GLIS3: variants seen among roughly 807,000 people sequenced by gnomAD.
The protein encoded by GLIS3 is zinc finger protein GLIS3.
Under a neutral mutation model 78.6 loss-of-function variants are expected in GLIS3, and 53 were observed. The observed-to-expected ratio is 0.67, with a 90% CI of 0.54 to 0.85. The LOEUF (loss-of-function observed/expected upper bound fraction) is 0.85. Ranked by LOEUF, GLIS3 falls within the 40% of genes least tolerant of loss-of-function variation. The pLI is 0.00. For synonymous variants in GLIS3, 684 were observed against 509.9 expected (o/e 1.34, Z -4.60); for missense variants, 1,703 against 1,231.1 (o/e 1.38, Z -5.74).
At chr9:4,315,603 C>T (rs1383506635) in intron 2 of GLIS3, among the ~76,000 whole-genome samples, 1 of 152,146 alleles carries the variant, frequency 6.6e-6, no homozygotes, top group East Asian at 1.9e-4. Flanking sequence ...AAACTCTTTT[C>T]ATGGAAGACA....
At chr9:4,125,683 T>G in intron 3 of GLIS3, 51 bp downstream of exon 3, 1 of 1,227,158 alleles carries the variant, frequency 8.1e-7, no homozygotes, top group Non-Finnish European at 1.2e-6. Context: ...AAAACACTTG[T>G]GGGGTGTGTT....
intron 4 of GLIS3, among the ~76,000 whole-genome samples, chr9:4,010,379 C>A (rs1445095877): frequency 2.6e-5 from 4 of 152,170 alleles, no homozygotes; most frequent in Non-Finnish European, 5.9e-5. Flanking sequence ...TTATTTCCTA[C>A]AGGCAAAGCC....
At chr9:4,271,859 G>A (rs981006605) in intron 2 of GLIS3, among the ~76,000 whole-genome samples, 6 of 152,242 alleles carry the variant, frequency 3.9e-5, no homozygotes, top group East Asian at 3.9e-4. Flanking sequence ...CTGTGGGGTC[G>A]GAGCAAACCT....
At chr9:4,032,940 G>A (rs956811592) in intron 4 of GLIS3, among the ~76,000 whole-genome samples, 5 of 151,670 alleles carry the variant, frequency 3.3e-5, no homozygotes, top group South Asian at 2.1e-4. Flanking sequence ...TGCAAGCTCC[G>A]CCTCCCGGGT....
Position 4,286,195 on chromosome 9 carries a change from G to T in GLIS3, c.231C>A (p.Ser77Arg). The T allele has an allele frequency of 6.2e-7, 1 of 1,614,238 alleles. No homozygotes were observed. Among genetic ancestry groups the T allele is most frequent in the Non-Finnish European group, 8.5e-7 (1 of 1,180,044 alleles). Residue 77 changes from serine to arginine, a missense_variant, in exon 2 of 11, where the codon AGC becomes AGA. Physicochemically the swap from Ser to Arg is moderately radical, Grantham distance 110. Coordinates refer to ENST00000381971, the MANE Select transcript of GLIS3 (RefSeq NM_001042413.2). ...GMAPQNNVAE[S>R]RIHLPALSPR... ...GGCTTAAGGCAGGCAGATGGATGCGGCTCTCAGCCACGTTGTTCTGAGGAG... is the reference window on the plus strand; with the variant it reads ...GGCTTAAGGCAGGCAGATGGATGCGTCTCTCAGCCACGTTGTTCTGAGGAG...
At chr9:4,402,113 T>C in the GLIS3 span, among the ~76,000 whole-genome samples, 1 of 152,190 alleles carries the variant, frequency 6.6e-6, no homozygotes, top group East Asian at 1.9e-4. Context: ...CTATGTTGGC[T>C]TCAGGTCTGA....
chr9:3,884,514 G>A (rs1377830709), intron 7 of GLIS3, among the ~76,000 whole-genome samples: 2 of 151,718 alleles, frequency 1.3e-5, no homozygotes, highest in Non-Finnish European at 2.9e-5. Flanking sequence ...TACAGATTCT[G>A]ACTCACTAGG....
At chr9:4,174,485 T>C (rs1816649141) in intron 2 of GLIS3, among the ~76,000 whole-genome samples, 1 of 152,232 alleles carries the variant, frequency 6.6e-6, no homozygotes, top group Non-Finnish European at 1.5e-5. Context: ...AAATACCACA[T>C]TCCGTTCTAA....
intron 4 of GLIS3, among the ~76,000 whole-genome samples, chr9:4,019,762 TCA>T (rs1483433251): frequency 1.3e-5 from 2 of 152,140 alleles, no homozygotes; most frequent in Non-Finnish European, 2.9e-5. Flanking sequence ...AGACAGTGTC[TCA>T]CTCTGTTGCC....
intron 2 of GLIS3, among the ~76,000 whole-genome samples, chr9:4,227,382 C>T (rs899246828): frequency 6.6e-6 from 1 of 151,610 alleles, no homozygotes; most frequent in African/African-American, 2.4e-5. Flanking sequence ...GAAAAGCTAC[C>T]GAAGGTTTTA....
the GLIS3 span, among the ~76,000 whole-genome samples, chr9:4,465,272 G>A: frequency 2.0e-5 from 3 of 152,262 alleles, no homozygotes; most frequent in Non-Finnish European, 2.9e-5. Flanking sequence ...AATAGGCCGG[G>A]CACGGTGGCT....
chr9:4,364,438 C>A, the GLIS3 span, among the ~76,000 whole-genome samples: 94,893 of 151,436 alleles, frequency 0.63, 30,571 homozygotes, highest in Middle Eastern at 0.83. Context: ...TAAATTGCTT[C>A]AATAAATGAT....
At chr9:4,420,132 CA>C in the GLIS3 span, among the ~76,000 whole-genome samples, 4 of 152,126 alleles carry the variant, frequency 2.6e-5, 1 homozygote, top group African/African-American at 4.8e-5. Context: ...TTCAAAAAAA[CA>C]AAATCACTCC....
chr9:4,039,971 T>C (rs1217562599), intron 4 of GLIS3, among the ~76,000 whole-genome samples: 15 of 152,120 alleles, frequency 9.9e-5, no homozygotes, highest in Admixed American at 9.2e-4. Context: ...CCAAAACTGT[T>C]TGGGAAGATT....
chr9:4,327,720 A>T (rs10814939), intron 2 of GLIS3, among the ~76,000 whole-genome samples: 20,682 of 152,184 alleles, frequency 0.14, 3,307 homozygotes, highest in African/African-American at 0.39. Flanking sequence ...ATGGGGCTTG[A>T]GCCCCTGGAA....
intron 2 of GLIS3, among the ~76,000 whole-genome samples, chr9:4,232,850 T>C (rs1012691201): frequency 6.6e-6 from 1 of 152,202 alleles, no homozygotes; most frequent in Admixed American, 6.5e-5. Context: ...TAAATAGTGG[T>C]AAGTTAAAAA....
chr9:3,909,637 G>C (rs1390523784), intron 6 of GLIS3, among the ~76,000 whole-genome samples: 2 of 152,138 alleles, frequency 1.3e-5, no homozygotes, highest in Non-Finnish European at 2.9e-5. Context: ...ACACATGCTG[G>C]GGTATAGCTC....
chr9:4,161,840 C>A (rs1031676758), intron 2 of GLIS3, among the ~76,000 whole-genome samples: 2 of 74,020 alleles, frequency 2.7e-5, no homozygotes, highest in Non-Finnish European at 5.3e-5. Context: ...TCACACCCAG[C>A]TAATTTTTGT....
At chr9:4,184,458 T>C (rs967184517) in intron 2 of GLIS3, among the ~76,000 whole-genome samples, 13 of 152,248 alleles carry the variant, frequency 8.5e-5, no homozygotes, top group African/African-American at 2.9e-4. Context: ...TTTGCTTTTG[T>C]TGGGCAAATA....
Sources: gnomAD v4.1 joint callset for allele counts (sites outside exome capture counted in the v4.1 genomes callset) on GRCh38, gnomAD v4.1.1 for gene constraint, MANE v1.5 for transcripts, NCBI Gene and HGNC (gene_info 2026-07-23, HGNC 2026-07-21) for gene names.